SPIDR: variants seen among roughly 807,000 people sequenced by gnomAD.
SPIDR encodes the protein DNA repair-scaffolding protein.
In SPIDR, 93 loss-of-function variants were observed where a neutral mutation model predicts 104.6. The observed-to-expected ratio is 0.89, with a 90% CI of 0.75 to 1.06. The LOEUF is 1.06. Ranked by LOEUF, SPIDR falls within the 50% of genes least tolerant of loss-of-function variation. The probability of loss-of-function intolerance (pLI) is 0.00; values close to 1 mark genes in which losing one functional copy is unlikely to be tolerated. For synonymous variants in SPIDR, 431 were observed against 416.9 expected (o/e 1.03, Z -0.41); for missense variants, 1,154 against 1,111.2 (o/e 1.04, Z -0.55).
chr8:47,580,464 C>T (rs773460543), intron 8 of SPIDR, among the ~76,000 whole-genome samples: 3 of 152,106 alleles, frequency 2.0e-5, no homozygotes, highest in Admixed American at 6.5e-5. Context: ...TGAATGCTCC[C>T]GATTTATAAA....
intron 5 of SPIDR, among the ~76,000 whole-genome samples, chr8:47,297,183 C>G (rs1191382540): frequency 3.3e-5 from 5 of 152,160 alleles, no homozygotes; most frequent in African/African-American, 7.2e-5. Flanking sequence ...TCTTCTTCCT[C>G]TGATATGGAT....
intron 15 of SPIDR, chr8:47,713,231 T>C (rs2082118852): frequency 3.3e-6 from 2 of 599,108 alleles, no homozygotes; most frequent in African/African-American, 1.8e-5. Flanking sequence ...GCTATCTTTT[T>C]TAATTTTTAT....
chr8:47,701,346 C>T lies in SPIDR; in HGVS notation c.1774-375C>T, dbSNP rs368151298. On this transcript the variant is annotated intron_variant, in intron 12 of 19. Coordinates refer to ENST00000297423, the MANE Select transcript of SPIDR (RefSeq NM_001080394.4). ...ACTCGGGAGGCTGAGGCAGGAGAATCGCTTGAACCCATGAGGCAGACGTTG... is the reference window on the plus strand; with the variant it reads ...ACTCGGGAGGCTGAGGCAGGAGAATTGCTTGAACCCATGAGGCAGACGTTG... 1.4e-3 allele frequency among the ~76,000 whole-genome samples: 209 copies of T among 152,254 alleles called. 1 individual carries two copies. Among genetic ancestry groups the T allele is most frequent in the South Asian group, 8.9e-3 (43 of 4,830 alleles).
intron 7 of SPIDR, among the ~76,000 whole-genome samples, chr8:47,432,886 C>T (rs1443136521): frequency 6.6e-6 from 1 of 152,024 alleles, no homozygotes; most frequent in Non-Finnish European, 1.5e-5. Context: ...TTCAGGTGGG[C>T]CTTATGAAGA....
intron 8 of SPIDR, among the ~76,000 whole-genome samples, chr8:47,463,975 C>T (rs1440162137): frequency 6.6e-6 from 1 of 152,096 alleles, no homozygotes; most frequent in African/African-American, 2.4e-5. Context: ...TTTCACCCTT[C>T]CATTTAAGAT....
At chr8:47,340,960 AG>A (rs2050641418) in intron 5 of SPIDR, among the ~76,000 whole-genome samples, 1 of 152,150 alleles carries the variant, frequency 6.6e-6, no homozygotes, top group Middle Eastern at 3.2e-3. Context: ...TAGTTAAACT[AG>A]TTGTAAGTGT....
intron 8 of SPIDR, among the ~76,000 whole-genome samples, chr8:47,449,191 T>C (rs913279204): frequency 6.6e-6 from 1 of 152,076 alleles, no homozygotes; most frequent in African/African-American, 2.4e-5. Context: ...GATGTGGTAT[T>C]TAAGTAAAGA....
At chr8:47,428,543 G>A (rs2066812010) in intron 7 of SPIDR, among the ~76,000 whole-genome samples, 1 of 152,080 alleles carries the variant, frequency 6.6e-6, no homozygotes, top group South Asian at 2.1e-4. Context: ...GCCAATTCTT[G>A]GCAATATTTT....
intron 8 of SPIDR, among the ~76,000 whole-genome samples, chr8:47,503,909 G>A (rs1468219450): frequency 2.6e-5 from 4 of 152,146 alleles, no homozygotes; most frequent in Non-Finnish European, 5.9e-5. Flanking sequence ...AGTTTGGCTG[G>A]ATATGAAATT....
intron 10 of SPIDR, among the ~76,000 whole-genome samples, chr8:47,665,380 T>C (rs1333903616): frequency 6.6e-6 from 1 of 152,216 alleles, no homozygotes; most frequent in Non-Finnish European, 1.5e-5. Flanking sequence ...GATTGAACAC[T>C]AATTGTTTTA....
chr8:47,565,253 A>G (rs1424009499), intron 8 of SPIDR, among the ~76,000 whole-genome samples: 1 of 152,170 alleles, frequency 6.6e-6, no homozygotes, highest in East Asian at 1.9e-4. Context: ...TCTCAAAAAG[A>G]AAGAGGAGAA....
At chr8:47,710,691 C>T (rs1243692406) in intron 14 of SPIDR, among the ~76,000 whole-genome samples, 1 of 152,158 alleles carries the variant, frequency 6.6e-6, no homozygotes, top group Non-Finnish European at 1.5e-5. Flanking sequence ...TGGTCTTGAA[C>T]TCCCGACCTC....
intron 8 of SPIDR, among the ~76,000 whole-genome samples, chr8:47,444,320 G>T (rs1206448431): frequency 6.6e-6 from 1 of 152,220 alleles, no homozygotes; most frequent in African/African-American, 2.4e-5. Context: ...ATGAGGGCAG[G>T]TGAGAGGTTA....
At chr8:47,270,533 C>T (rs2035087024) in intron 1 of SPIDR, among the ~76,000 whole-genome samples, 1 of 152,010 alleles carries the variant, frequency 6.6e-6, no homozygotes, top group Non-Finnish European at 1.5e-5. Flanking sequence ...TCTTCCCCGC[C>T]CCCAAACCTC....
At chr8:47,564,747 G>A (rs1351230174) in intron 8 of SPIDR, among the ~76,000 whole-genome samples, 2 of 151,144 alleles carry the variant, frequency 1.3e-5, no homozygotes, top group African/African-American at 4.9e-5. Flanking sequence ...ATTACACTGC[G>A]CTTTTCTTTA....
intron 8 of SPIDR, among the ~76,000 whole-genome samples, chr8:47,562,536 G>T (rs2154401858): frequency 6.6e-6 from 1 of 152,264 alleles, no homozygotes; most frequent in African/African-American, 2.4e-5. Flanking sequence ...AACACACAGG[G>T]CGCTCCACCT....
chr8:47,535,019 T>A (rs2086667972), intron 8 of SPIDR, among the ~76,000 whole-genome samples: 1 of 152,152 alleles, frequency 6.6e-6, no homozygotes, highest in Admixed American at 6.6e-5. Context: ...TGGAAAACTC[T>A]CTGCCCACAA....
At chr8:47,270,601 T>A (rs1341559575) in intron 1 of SPIDR, among the ~76,000 whole-genome samples, 3 of 152,074 alleles carry the variant, frequency 2.0e-5, no homozygotes, top group East Asian at 1.9e-4. Flanking sequence ...ACTTTTTTTT[T>A]TATATTCTTT....
intron 8 of SPIDR, among the ~76,000 whole-genome samples, chr8:47,533,667 A>G (rs997695825): frequency 6.6e-6 from 1 of 152,146 alleles, no homozygotes; most frequent in Admixed American, 6.6e-5. Flanking sequence ...GGGAAAAAAA[A>G]CCTCAACATC....
Sources: gnomAD v4.1 joint callset for allele counts (sites outside exome capture counted in the v4.1 genomes callset) on GRCh38, gnomAD v4.1.1 for gene constraint, MANE v1.5 for transcripts, NCBI Gene and HGNC (gene_info 2026-07-23, HGNC 2026-07-21) for gene names.